Variants in CEP112 observed in about 807,000 individuals in gnomAD.
CEP112 encodes the protein centrosomal protein of 112 kDa.
In CEP112, 127 loss-of-function variants were observed where a neutral mutation model predicts 153.0. The ratio of observed to expected loss-of-function variants is 0.83; its 90% CI spans 0.72 to 0.96. The LOEUF is 0.96. Among genes scored for constraint, CEP112 ranks in the 40% least tolerant of loss-of-function variants. The probability of loss-of-function intolerance (pLI) is 0.00; values close to 1 mark genes in which losing one functional copy is unlikely to be tolerated. For synonymous variants in CEP112, 358 were observed against 374.4 expected (o/e 0.96, Z 0.51); for missense variants, 1,089 against 1,101.2 (o/e 0.99, Z 0.16).
intron 23 of CEP112, among the ~76,000 whole-genome samples, chr17:65,725,469 C>T (rs891175244): frequency 2.0e-5 from 3 of 152,076 alleles, no homozygotes; most frequent in African/African-American, 7.2e-5. Context: ...AGGTGCGCAC[C>T]ACCGCGCCTG....
chr17:65,647,702 C>T (rs2045521114), intron 24 of CEP112, among the ~76,000 whole-genome samples: 4 of 150,878 alleles, frequency 2.7e-5, no homozygotes, highest in African/African-American at 7.3e-5. Context: ...AGGCTGGTCT[C>T]AAACTCCTGG....
chr17:66,127,899 T>A (rs2069925716), intron 6 of CEP112, among the ~76,000 whole-genome samples: 1 of 152,138 alleles, frequency 6.6e-6, no homozygotes, highest in Non-Finnish European at 1.5e-5. Context: ...TAGGTGCCCT[T>A]CAGTTCAGCC....
At chr17:65,844,437 G>T (rs1222128207) in intron 21 of CEP112, among the ~76,000 whole-genome samples, 1 of 152,146 alleles carries the variant, frequency 6.6e-6, no homozygotes, top group African/African-American at 2.4e-5. Context: ...TATAATCACA[G>T]CACTTTAGGA....
chr17:66,110,583 A>G (rs1167680099), intron 6 of CEP112, among the ~76,000 whole-genome samples: 1 of 152,072 alleles, frequency 6.6e-6, no homozygotes, highest in Non-Finnish European at 1.5e-5. Context: ...ATTCGATCTT[A>G]TATTAAAAGC....
chr17:66,078,407 G>A (rs569977681), intron 8 of CEP112, among the ~76,000 whole-genome samples: 52 of 151,756 alleles, frequency 3.4e-4, no homozygotes, highest in African/African-American at 8.9e-4. Flanking sequence ...ACAGACATGC[G>A]CCACCACGCC....
chr17:65,954,546 C>G (rs2061942960), intron 18 of CEP112, among the ~76,000 whole-genome samples: 1 of 151,930 alleles, frequency 6.6e-6, no homozygotes, highest in Non-Finnish European at 1.5e-5. Context: ...TTCAGAAGGT[C>G]AATTATTAAG....
chr17:65,921,624 C>G (rs924232199), intron 19 of CEP112, among the ~76,000 whole-genome samples: 1 of 152,042 alleles, frequency 6.6e-6, no homozygotes, highest in Non-Finnish European at 1.5e-5. Context: ...GAAATCTGCA[C>G]CCACCTGAGG....
intron 23 of CEP112, among the ~76,000 whole-genome samples, chr17:65,710,563 T>C (rs2049129236): frequency 6.6e-6 from 1 of 152,224 alleles, no homozygotes; most frequent in Non-Finnish European, 1.5e-5. Context: ...AAATGGTATG[T>C]TTAACACCAG....
At chr17:65,685,518 T>C (rs1268570014) in intron 24 of CEP112, among the ~76,000 whole-genome samples, 3 of 152,152 alleles carry the variant, frequency 2.0e-5, no homozygotes, top group African/African-American at 7.2e-5. Context: ...AGTTGTTCGA[T>C]TGGCTGATGT....
At chr17:65,936,921 T>G (rs2061331016) in intron 18 of CEP112, among the ~76,000 whole-genome samples, 1 of 150,912 alleles carries the variant, frequency 6.6e-6, no homozygotes, top group Non-Finnish European at 1.5e-5. Context: ...CCCTGCCTGA[T>G]TCTCCTGCCT....
intron 1 of CEP112, among the ~76,000 whole-genome samples, chr17:66,186,348 C>T (rs2072935422): frequency 6.6e-6 from 1 of 152,122 alleles, no homozygotes; most frequent in Admixed American, 6.6e-5. Context: ...GTAACCCAGG[C>T]TGGAGTGTAG....
intron 1 of CEP112, among the ~76,000 whole-genome samples, chr17:66,186,462 C>G (rs538471465): frequency 7.9e-5 from 12 of 152,042 alleles, no homozygotes; most frequent in Non-Finnish European, 1.6e-4. Context: ...GATAATTTTT[C>G]GTATTTTTAG....
At chr17:66,087,316 A>T (rs1014268954) in intron 8 of CEP112, among the ~76,000 whole-genome samples, 6 of 152,178 alleles carry the variant, frequency 3.9e-5, no homozygotes, top group African/African-American at 1.4e-4. Context: ...TTAAGTGATG[A>T]TTTCCTTTCA....
intron 6 of CEP112, among the ~76,000 whole-genome samples, chr17:66,113,786 A>G (rs568156066): frequency 6.6e-6 from 1 of 152,336 alleles, no homozygotes; most frequent in Admixed American, 6.5e-5. Flanking sequence ...TCTCATAACC[A>G]ATTTTAATAT....
chr17:65,928,848 A>C (rs1418616097), intron 18 of CEP112, among the ~76,000 whole-genome samples: 1 of 152,226 alleles, frequency 6.6e-6, no homozygotes, highest in Non-Finnish European at 1.5e-5. Flanking sequence ...TGGGAAAAAG[A>C]GTAAGATCCT....
intron 11 of CEP112, among the ~76,000 whole-genome samples, chr17:66,055,840 C>T (rs2066660523): frequency 6.6e-6 from 1 of 152,136 alleles, no homozygotes. Flanking sequence ...TGTTTGAGGA[C>T]TAGATAGGCA....
Position 65,646,572 on chromosome 17 carries a change from T to C in CEP112, c.2698-5507A>G, listed in dbSNP as rs1157452463. On this transcript the variant is annotated intron_variant, in intron 24 of 26. Coordinates refer to ENST00000535342, the MANE Select transcript of CEP112 (RefSeq NM_001199165.4). ...AGGTGTGACTCTCCATGTTTTTATATGGACTTAATCCTTCTGATGACCCAA... is the reference window on the plus strand; with the variant it reads ...AGGTGTGACTCTCCATGTTTTTATACGGACTTAATCCTTCTGATGACCCAA... Among the ~76,000 whole-genome samples the C allele has an allele frequency of 2.6e-5, 4 of 152,234 alleles. No individual in the cohort carries two copies. In the East Asian group the frequency reaches 5.8e-4, roughly 22 times the overall value.
intron 24 of CEP112, among the ~76,000 whole-genome samples, chr17:65,643,463 A>G (rs2045259589): frequency 1.1e-5 from 1 of 88,374 alleles, no homozygotes; most frequent in African/African-American, 6.0e-5. Flanking sequence ...ACACCTGGCT[A>G]ATTTTTTTTT....
chr17:66,068,181 T>C (rs1185938012), intron 9 of CEP112, among the ~76,000 whole-genome samples: 1 of 152,140 alleles, frequency 6.6e-6, no homozygotes, highest in African/African-American at 2.4e-5. Context: ...GTAAAAAAGA[T>C]AGCAAGTAAG....
Sources: allele counts gnomAD v4.1 joint callset (sites outside exome capture counted in the v4.1 genomes callset), GRCh38; gene constraint gnomAD v4.1.1; transcripts MANE v1.5; gene names NCBI Gene and HGNC (gene_info 2026-07-23, HGNC 2026-07-21).